The following SPACA6 variants were observed in gnomAD, a reference collection of about 807,000 sequenced individuals.
SPACA6 encodes the protein sperm acrosome membrane-associated protein 6.
For missense variants in SPACA6, 8 were observed against 2.8 expected (o/e 2.88, Z -1.34); for synonymous variants, 6 against 1.5 (o/e 4.05, Z -2.21).
chr19:51,703,869 G>GGGAAGGGTGGT lies in SPACA6; in HGVS notation c.574-154_574-153insTGGTGGAAGGG. 2.5e-6 allele frequency: 1 copy of GGGAAGGGTGGT among 397,448 alleles called. No individual in the cohort carries two copies. The highest frequency in any genetic ancestry group is 4.4e-6 in the Non-Finnish European group (1 of 225,818). 24.6% of individuals were successfully genotyped at this position (397,448 alleles called of 1,614,324 possible). ...TATGCGTAAGGGTTTAAGGAGTGAG[G>GGGAAGGGTGGT]GGAAGGGGTGCGTTTAGGGCAGGGG... On this transcript the variant is annotated intron_variant, in intron 6 of 8. Transcript: ENST00000637797. The surrounding 1 kb of genome is among the most constrained non-coding windows in gnomAD (Gnocchi z 4.2).
At chr19:51,700,684 G>A (rs2083462108) in intron 2 of SPACA6, among the ~76,000 whole-genome samples, 1 of 152,120 alleles carries the variant, frequency 6.6e-6, no homozygotes, top group Admixed American at 6.6e-5. Flanking sequence ...AGGACACAGT[G>A]CTACAGAAGA....
At chr19:51,710,994 T>C (rs2083538783) in intron 2 of SPACA6, among the ~76,000 whole-genome samples, 1 of 152,056 alleles carries the variant, frequency 6.6e-6, no homozygotes, top group Non-Finnish European at 1.5e-5. Context: ...GCAGGAGAAT[T>C]GCTTGAACCT....
chr19:51,709,378 G>A (rs1294091269), downstream of SPACA6, among the ~76,000 whole-genome samples: 1 of 151,776 alleles, frequency 6.6e-6, no homozygotes, highest in Non-Finnish European at 1.5e-5. Flanking sequence ...TTAGCCAGGT[G>A]TGGTAACAGG....
chr19:51,698,891 A>AT (rs1369424843), intron 2 of SPACA6, among the ~76,000 whole-genome samples: 1 of 152,214 alleles, frequency 6.6e-6, no homozygotes, highest in Non-Finnish European at 1.5e-5. Flanking sequence ...AAGACTTAAT[A>AT]TCCCAGGGAG....
At chr19:51,688,894 GGAAAGAGGGAGAGA>G (rs2083342230), upstream of SPACA6, among the ~76,000 whole-genome samples, 3 of 117,688 alleles carry the variant, frequency 2.5e-5, no homozygotes, top group South Asian at 6.1e-4. Flanking sequence ...AGAGGAGGAG[GGAAAGAGGGAGAGA>G]GAGAGAGAGA....
At chr19:51,689,288 T>TGGGGAGGGGCC (rs1425405088), upstream of SPACA6, 5 of 141,936 alleles carry the variant, frequency 3.5e-5, no homozygotes, top group Admixed American at 6.9e-5. Context: ...GGCTGGGCGG[T>TGGGGAGGGGCC]GGGGAGGGGC....
downstream of SPACA6, among the ~76,000 whole-genome samples, chr19:51,707,946 G>A (rs377497871): frequency 1.6e-4 from 25 of 152,288 alleles, no homozygotes; most frequent in East Asian, 4.2e-3. Flanking sequence ...GGGATGCAGC[G>A]GCCTGTCAGT....
At chr19:51,692,899 C>T (rs1386655728), upstream of SPACA6, 2 of 531,908 alleles carry the variant, frequency 3.8e-6, no homozygotes, top group Admixed American at 3.9e-5. The surrounding 1 kb of genome is among the most constrained non-coding windows in gnomAD (Gnocchi z 5.6). Flanking sequence ...CGGCGGGGAC[C>T]CCCAGCCCCA....
At chr19:51,710,065 TCAGG>T, downstream of SPACA6, among the ~76,000 whole-genome samples, 1 of 152,126 alleles carries the variant, frequency 6.6e-6, no homozygotes, top group South Asian at 2.1e-4. Context: ...AGGTAGCTCT[TCAGG>T]CAAGAAAGGG....
intron 2 of SPACA6, among the ~76,000 whole-genome samples, chr19:51,700,205 G>T (rs2167417): frequency 0.18 from 26,758 of 152,162 alleles, 2,454 homozygotes; most frequent in South Asian, 0.24. Flanking sequence ...AGTGAGCCAA[G>T]ATCACACCAC....
chr19:51,693,726 C>A lies in SPACA6; in HGVS notation c.200C>A (p.Ser67Tyr). Residue 67 changes from serine (S) to tyrosine (Y), a missense_variant, in exon 1 of 9, where the codon TCT becomes TAT. By Grantham distance (144) the Ser-to-Tyr change is moderately radical (BLOSUM62 -2). Coordinates refer to ENST00000637797, the MANE Select transcript of SPACA6 (RefSeq NM_001316972.2). ...EAFTAAFQGL[S>Y]DTEINYDERS... ...TTCACGGCCGCCTTCCAGGGCCTCT[C>A]TGACACCGAAATCAGTGAGGAGACC... 1 of 406,868 alleles carries A rather than the reference C, an allele frequency of 2.5e-6. No homozygotes were observed. The highest frequency in any genetic ancestry group is 1.2e-4 in the South Asian group (1 of 8,442). The allele number at this position is 406,868 out of a possible 1,614,324, so 25.2% of individuals were successfully genotyped here. A position where few individuals can be genotyped will look rare whatever the true frequency, so the allele number is the denominator to read the frequency against.
chr19:51,696,058 T>C (rs1273562352), intron 2 of SPACA6, among the ~76,000 whole-genome samples: 1 of 152,102 alleles, frequency 6.6e-6, no homozygotes, highest in African/African-American at 2.4e-5. Flanking sequence ...GCTAGATACC[T>C]AGGTGCAGAG....
At position 51,699,888 on chromosome 19, in the gene SPACA6, T is replaced by C. The variant is rs370737878; in HGVS notation, c.293-1770T>C. On this transcript the variant is annotated intron_variant, in intron 2 of 8. Transcript: ENST00000637797. ...CTGATTTCCACAAATCACCACGAGATCAAGTCAGCTGTCTATTCTTATTCC... is the reference window on the plus strand; with the variant it reads ...CTGATTTCCACAAATCACCACGAGACCAAGTCAGCTGTCTATTCTTATTCC... Among the ~76,000 whole-genome samples the C allele has an allele frequency of 1.9e-4, 29 of 152,120 alleles. No individual in the cohort carries two copies. In the South Asian group the frequency reaches 4.8e-3, roughly 25 times the overall value.
downstream of SPACA6, among the ~76,000 whole-genome samples, chr19:51,709,886 G>A (rs11880556): frequency 5.1e-3 from 772 of 152,314 alleles, 3 homozygotes; most frequent in African/African-American, 0.018. Flanking sequence ...TGTTGGATGA[G>A]AGAAGGAGAG....
chr19:51,702,869 GGAGT>G, intron 4 of SPACA6, 148 bp from the exon 5 acceptor site: 1 of 398,774 alleles, frequency 2.5e-6, no homozygotes, highest in Non-Finnish European at 4.4e-6. Flanking sequence ...AGGGCGGAGA[GGAGT>G]GAGAGTCGGC....
At chr19:51,699,277 G>GTGATTCCAGGTGC (rs1366759368) in intron 2 of SPACA6, among the ~76,000 whole-genome samples, 17 of 152,192 alleles carry the variant, frequency 1.1e-4, no homozygotes, top group African/African-American at 4.1e-4. Context: ...CCGAGTAGCT[G>GTGATTCCAGGTGC]TGATTCCAGG....
At chr19:51,701,901 A>G (rs1568618987) in intron 3 of SPACA6, 175 bp downstream of exon 3, 1 of 358,040 alleles carries the variant, frequency 2.8e-6, no homozygotes, top group Non-Finnish European at 5.0e-6. Flanking sequence ...GGTGATACCC[A>G]TATCTACTAA....
chr19:51,703,020 G>A lies in SPACA6; in HGVS notation c.386-1G>A. 1 of 399,278 alleles carries A rather than the reference G, an allele frequency of 2.5e-6. No homozygotes were observed. Among genetic ancestry groups the A allele is most frequent in the Non-Finnish European group, 4.4e-6 (1 of 226,212 alleles). 24.7% of individuals were successfully genotyped at this position (399,278 alleles called of 1,614,324 possible). The stretch of plus-strand genomic sequence containing the variant: ...CTAGACCCAGCGTTCCCGCTCCACA[G>A]GTCTCCAGGAGTTCGCCCGGCGTTT... On this transcript the variant is annotated splice_acceptor_variant, in intron 4 of 8. Transcript: ENST00000637797. LOFTEE classifies it high-confidence loss of function. This position sits in a 1 kb window ranked among gnomAD's most constrained non-coding sequence, Gnocchi z 4.2.
At chr19:51,692,243 A>G (rs1232279463), upstream of SPACA6, among the ~76,000 whole-genome samples, 1 of 152,014 alleles carries the variant, frequency 6.6e-6, no homozygotes, top group African/African-American at 2.4e-5. The surrounding 1 kb of genome is among the most constrained non-coding windows in gnomAD (Gnocchi z 5.6). Flanking sequence ...GTTCCCTCCC[A>G]GCCGGCACCC....
Sources: allele counts gnomAD v4.1 joint callset (sites outside exome capture counted in the v4.1 genomes callset), GRCh38; gene constraint gnomAD v4.1.1; non-coding constraint Gnocchi (gnomAD v3.1); transcripts MANE v1.5; gene names NCBI Gene and HGNC (gene_info 2026-07-23, HGNC 2026-07-21).